P3H2: variants seen among roughly 807,000 people sequenced by gnomAD.
P3H2 encodes the protein leprecan-like 1.
A neutral mutation model predicts 87.0 loss-of-function variants in P3H2; 80 were observed. The observed-to-expected ratio is 0.92, with a 90% confidence interval of 0.77 to 1.11. The LOEUF (loss-of-function observed/expected upper bound fraction) is 1.11, where lower values mean the gene tolerates loss of function less well. P3H2 is among the 50% of genes least tolerant of loss of function. The pLI is 0.00. For missense variants in P3H2, 1,001 were observed against 923.9 expected, an observed-to-expected ratio of 1.08 and a Z score of -1.08; for synonymous variants, 367 against 359.3, an observed-to-expected ratio of 1.02 and a Z score of -0.24.
chr3:190,056,931 C>A (rs1726179145), intron 1 of P3H2, among the ~76,000 whole-genome samples: 1 of 152,162 alleles, frequency 6.6e-6, no homozygotes, highest in Non-Finnish European at 1.5e-5. Flanking sequence ...TAGACCCTCC[C>A]CCTTCACCAT....
chr3:189,970,105 G>C (rs556100369), intron 13 of P3H2, among the ~76,000 whole-genome samples: 123 of 146,126 alleles, frequency 8.4e-4, no homozygotes, highest in African/African-American at 3.0e-3. Flanking sequence ...ATTTGTGTGT[G>C]TGTGTGTGTG....
At chr3:190,082,575 T>C (rs571911661) in intron 1 of P3H2, among the ~76,000 whole-genome samples, 4 of 152,340 alleles carry the variant, frequency 2.6e-5, no homozygotes, top group Admixed American at 2.6e-4. Flanking sequence ...AACACTACCA[T>C]TCCTCTCTTC....
intron 1 of P3H2, among the ~76,000 whole-genome samples, chr3:190,002,617 T>C (rs1724252388): frequency 1.3e-5 from 2 of 152,202 alleles, no homozygotes; most frequent in South Asian, 4.1e-4. Flanking sequence ...GCCAAGCCAG[T>C]CTTGAACTCC....
At chr3:190,101,735 T>C (rs2108516402) in intron 1 of P3H2, among the ~76,000 whole-genome samples, 1 of 152,318 alleles carries the variant, frequency 6.6e-6, no homozygotes, top group South Asian at 2.1e-4. Context: ...AAGATCTAGC[T>C]AAAGTAATTA....
chr3:190,050,350 C>A (rs1410622018), intron 1 of P3H2, among the ~76,000 whole-genome samples: 1 of 152,176 alleles, frequency 6.6e-6, no homozygotes, highest in Non-Finnish European at 1.5e-5. Flanking sequence ...TTCACAAACT[C>A]TTCCATTTTG....
intron 1 of P3H2, among the ~76,000 whole-genome samples, chr3:190,007,965 C>CACACATATATATATATATATATATAT: frequency 1.4e-4 from 13 of 94,348 alleles, no homozygotes; most frequent in African/African-American, 4.3e-4. Context: ...TGTTGACACA[C>CACACATATATATATATATATATATAT]ATATATATAT....
In P3H2 at chr3:189,957,110, T is replaced by C; in HGVS notation, c.*802A>G. On this transcript the variant is annotated 3_prime_UTR_variant, in exon 15 of 15. Transcript: ENST00000319332. ...CTGGCGAAAACACCAGAGCCAAAAA[T>C]TCCACCAAGGCCCTGGAAAGACTGA... is the stretch of plus-strand genomic sequence containing the variant. 1 of 398,570 alleles carries C rather than the reference T, an allele frequency of 2.5e-6. No homozygotes were observed. Among genetic ancestry groups the C allele is most frequent in the Non-Finnish European group, 4.4e-6 (1 of 226,102 alleles). 24.7% of individuals were successfully genotyped at this position (398,570 alleles called of 1,614,324 possible). A position where few individuals can be genotyped will look rare whatever the true frequency, so the allele number is the denominator to read the frequency against.
chr3:190,035,521 T>C (rs1315405043), intron 1 of P3H2, among the ~76,000 whole-genome samples: 1 of 152,208 alleles, frequency 6.6e-6, no homozygotes, highest in African/African-American at 2.4e-5. Context: ...TGTAAACCCT[T>C]GAATAAATTT....
chr3:190,040,121 A>G lies in P3H2; in HGVS notation c.481-44679T>C, dbSNP rs117203971. ...GATGCGTATCTTCAAGTCCTCAGTA[A>G]TTGGCATCACACACACACAAAAAAC... On this transcript the variant is annotated intron_variant, in intron 1 of 14. Coordinates refer to ENST00000319332, the MANE Select transcript of P3H2 (RefSeq NM_018192.4). Among the ~76,000 whole-genome samples the G allele has an allele frequency of 5.8e-4, 88 of 152,304 alleles. No individual in the cohort carries two copies. In the East Asian group the frequency reaches 0.016, roughly 28 times the overall value.
intron 1 of P3H2, among the ~76,000 whole-genome samples, chr3:190,045,938 G>C (rs1293027111): frequency 6.6e-6 from 1 of 152,034 alleles, no homozygotes. Flanking sequence ...TGGCTAACAT[G>C]GTGAAACCCC....
intron 1 of P3H2, among the ~76,000 whole-genome samples, chr3:190,064,201 T>C (rs928037990): frequency 1.3e-5 from 2 of 151,680 alleles, no homozygotes; most frequent in Non-Finnish European, 2.9e-5. Flanking sequence ...CTTACTATGT[T>C]GCCCAGGGTG....
intron 1 of P3H2, among the ~76,000 whole-genome samples, chr3:190,026,571 C>T (rs1387000294): frequency 6.6e-6 from 1 of 152,162 alleles, no homozygotes; most frequent in Admixed American, 6.6e-5. Context: ...GTCTAAAAAG[C>T]GGAGGCAGGA....
At chr3:190,039,388 A>T (rs1725530754) in intron 1 of P3H2, among the ~76,000 whole-genome samples, 1 of 152,188 alleles carries the variant, frequency 6.6e-6, no homozygotes, top group African/African-American at 2.4e-5. Flanking sequence ...TTTGCTTCTC[A>T]GTTTGCAAAA....
At chr3:189,969,761 A>G (rs1723114055) in intron 13 of P3H2, 2 of 1,603,548 alleles carry the variant, frequency 1.2e-6, no homozygotes, top group East Asian at 4.5e-5. Flanking sequence ...TGGAGTATCC[A>G]CATATTTTTC....
intron 1 of P3H2, among the ~76,000 whole-genome samples, chr3:190,060,063 T>C (rs895543046): frequency 5.3e-5 from 8 of 152,168 alleles, no homozygotes; most frequent in African/African-American, 1.7e-4. Flanking sequence ...ATTTAGAACA[T>C]TTTGATGAAA....
rs189870321 is a variant in P3H2 at position 189,991,484 on chromosome 3, C to T, written c.824-2446G>A. ...GCTATGAGATAGATGGATATATCAT[C>T]TCCTTCCTTCATTCATTCATTAATC... On this transcript the variant is annotated intron_variant, in intron 3 of 14. Transcript: ENST00000319332. 1.3e-3 allele frequency among the ~76,000 whole-genome samples: 205 copies of T among 152,324 alleles called. 1 individual carries two copies. Among genetic ancestry groups the T allele is most frequent in the Non-Finnish European group, 2.3e-3 (154 of 68,022 alleles).
intron 1 of P3H2, among the ~76,000 whole-genome samples, chr3:190,095,326 A>C (rs1158313285): frequency 8.5e-6 from 1 of 117,200 alleles, no homozygotes; most frequent in Non-Finnish European, 1.9e-5. Context: ...ATATATATAT[A>C]TATATATATA....
At chr3:190,111,798 T>C (rs967520504) in intron 1 of P3H2, among the ~76,000 whole-genome samples, 5 of 152,228 alleles carry the variant, frequency 3.3e-5, no homozygotes, top group African/African-American at 1.2e-4. Flanking sequence ...ATTTACCTGA[T>C]GCATGGATTC....
chr3:189,972,271 A>T (rs1723199364), intron 11 of P3H2, among the ~76,000 whole-genome samples: 1 of 152,194 alleles, frequency 6.6e-6, no homozygotes, highest in Non-Finnish European at 1.5e-5. Context: ...ACATGAACAA[A>T]TTCCATGCGT....
Sources: gnomAD v4.1 joint callset for allele counts (sites outside exome capture counted in the v4.1 genomes callset) on GRCh38, gnomAD v4.1.1 for gene constraint, MANE v1.5 for transcripts, NCBI Gene and HGNC (gene_info 2026-07-23, HGNC 2026-07-21) for gene names.